PRKG1: variants seen among roughly 807,000 people sequenced by gnomAD.
The protein encoded by PRKG1 is cGMP-dependent protein kinase 1.
A neutral mutation model predicts 88.1 loss-of-function variants in PRKG1; 35 were observed. That is an observed-to-expected ratio of 0.40 (90% CI 0.30 to 0.53). The LOEUF (loss-of-function observed/expected upper bound fraction) is 0.53, where lower values mean the gene tolerates loss of function less well. Among genes scored for constraint, PRKG1 ranks in the 20% least tolerant of loss-of-function variants. The probability of loss-of-function intolerance (pLI) is 0.59; values close to 1 mark genes in which losing one functional copy is unlikely to be tolerated. For synonymous variants in PRKG1, 303 were observed against 292.5 expected (o/e 1.04, Z -0.37); for missense variants, 540 against 839.8 (o/e 0.64, Z 4.41).
At chr10:52,221,835 C>T (rs539035491) in intron 9 of PRKG1, among the ~76,000 whole-genome samples, 3 of 152,182 alleles carry the variant, frequency 2.0e-5, no homozygotes, top group Admixed American at 2.0e-4. Context: ...TGCTTTTAGC[C>T]TTATTTGTTA....
chr10:52,255,605 A>C (rs1374127824), intron 10 of PRKG1, among the ~76,000 whole-genome samples: 2 of 152,002 alleles, frequency 1.3e-5, no homozygotes, highest in Non-Finnish European at 2.9e-5. Context: ...GAAGATAAAA[A>C]ATTTAATAAA....
At chr10:51,200,237 A>G (rs1444198671) in intron 2 of PRKG1, among the ~76,000 whole-genome samples, 1 of 152,226 alleles carries the variant, frequency 6.6e-6, no homozygotes, top group Non-Finnish European at 1.5e-5. Context: ...GTGTGGTTGA[A>G]GCCTAATATG....
chr10:52,036,460 G>C (rs571819395), intron 5 of PRKG1, among the ~76,000 whole-genome samples: 1 of 150,970 alleles, frequency 6.6e-6, no homozygotes, highest in Non-Finnish European at 1.5e-5. Context: ...GCTGTAGCAG[G>C]CAAGTGATAA....
chr10:51,662,659 TA>T (rs1194507873), intron 3 of PRKG1, among the ~76,000 whole-genome samples: 2 of 152,214 alleles, frequency 1.3e-5, no homozygotes, highest in African/African-American at 4.8e-5. Flanking sequence ...TGATCAATTA[TA>T]AAAAGTACAA....
chr10:52,273,134 C>T (rs1209153101), intron 12 of PRKG1, among the ~76,000 whole-genome samples: 1 of 151,996 alleles, frequency 6.6e-6, no homozygotes, highest in African/African-American at 2.4e-5. Context: ...CATGCAAATT[C>T]ATTGTCTTAA....
intron 2 of PRKG1, among the ~76,000 whole-genome samples, chr10:51,191,111 G>A (rs1837620215): frequency 6.6e-6 from 1 of 151,818 alleles, no homozygotes; most frequent in African/African-American, 2.4e-5. Context: ...ATCAGTTTGA[G>A]CTCATTGAAT....
intron 5 of PRKG1, among the ~76,000 whole-genome samples, chr10:51,953,927 A>G (rs907581927): frequency 4.6e-5 from 7 of 152,120 alleles, no homozygotes; most frequent in African/African-American, 1.7e-4. Flanking sequence ...TTATCTTCTG[A>G]TATGGATTTC....
At chr10:51,748,324 C>A (rs1837632732) in intron 3 of PRKG1, among the ~76,000 whole-genome samples, 1 of 152,112 alleles carries the variant, frequency 6.6e-6, no homozygotes, top group Non-Finnish European at 1.5e-5. Context: ...TATAGTTTGG[C>A]CTGTTGTGTA....
intron 12 of PRKG1, among the ~76,000 whole-genome samples, chr10:52,273,019 A>G (rs1841772961): frequency 6.6e-6 from 1 of 152,000 alleles, no homozygotes. Flanking sequence ...AAAGAAAAGA[A>G]TCCACTTATA....
chr10:51,151,988 A>G (rs1205707111), intron 1 of PRKG1, among the ~76,000 whole-genome samples: 3 of 152,132 alleles, frequency 2.0e-5, no homozygotes, highest in African/African-American at 7.2e-5. Context: ...AAAAATTAAG[A>G]CTTTTAATAT....
chr10:51,276,592 G>C (rs571965953), intron 2 of PRKG1, among the ~76,000 whole-genome samples: 108 of 152,242 alleles, frequency 7.1e-4, no homozygotes, highest in Middle Eastern at 3.4e-3. Flanking sequence ...CAGTGTAAAA[G>C]TGTTCCTATT....
chr10:51,651,733 G>A (rs990604624), intron 3 of PRKG1, among the ~76,000 whole-genome samples: 2 of 151,816 alleles, frequency 1.3e-5, no homozygotes, highest in Non-Finnish European at 1.5e-5. Flanking sequence ...ACAGGTGCAC[G>A]TCACCATGCC....
intron 10 of PRKG1, among the ~76,000 whole-genome samples, chr10:52,262,646 A>G (rs770873108): frequency 6.6e-6 from 1 of 152,042 alleles, no homozygotes; most frequent in Non-Finnish European, 1.5e-5. Context: ...CAGTTGGTTT[A>G]TTATTACAAT....
intron 3 of PRKG1, among the ~76,000 whole-genome samples, chr10:51,647,294 A>T (rs1839938343): frequency 6.6e-6 from 1 of 152,164 alleles, no homozygotes. Context: ...AAAAAGTCAC[A>T]CTTAACTTTT....
intron 5 of PRKG1, among the ~76,000 whole-genome samples, chr10:51,985,311 G>A (rs1844125604): frequency 6.7e-6 from 1 of 148,182 alleles, no homozygotes; most frequent in African/African-American, 2.7e-5. Context: ...GCAAAATATA[G>A]TGAAACTTTT....
At chr10:51,784,655 T>G (rs1431101527) in intron 3 of PRKG1, among the ~76,000 whole-genome samples, 1 of 152,132 alleles carries the variant, frequency 6.6e-6, no homozygotes, top group Admixed American at 6.6e-5. Flanking sequence ...TGTATCTACT[T>G]CTGATAAGCT....
chr10:51,792,415 C>T (rs1461894810), intron 3 of PRKG1, among the ~76,000 whole-genome samples: 10 of 152,004 alleles, frequency 6.6e-5, no homozygotes, highest in African/African-American at 1.4e-4. Context: ...TTATTCTTTC[C>T]GCTTCTTCCC....
At chr10:51,282,534 A>G (rs1840327674) in intron 2 of PRKG1, among the ~76,000 whole-genome samples, 1 of 152,180 alleles carries the variant, frequency 6.6e-6, no homozygotes, top group Non-Finnish European at 1.5e-5. Flanking sequence ...AAAGCAAACA[A>G]CTGGAGACAA....
chr10:52,056,541 G>T (rs1373447321), intron 6 of PRKG1, among the ~76,000 whole-genome samples: 1 of 152,082 alleles, frequency 6.6e-6, no homozygotes, highest in African/African-American at 2.4e-5. Context: ...TAGAAAAAGT[G>T]TGGAAATTAC....
Sources: allele counts gnomAD v4.1 joint callset (sites outside exome capture counted in the v4.1 genomes callset), GRCh38; gene constraint gnomAD v4.1.1; transcripts MANE v1.5; gene names NCBI Gene and HGNC (gene_info 2026-07-23, HGNC 2026-07-21).